ZSWIM5: variants seen among roughly 807,000 people sequenced by gnomAD.
ZSWIM5 encodes the protein zinc finger SWIM domain-containing protein 5.
In ZSWIM5, 55 loss-of-function variants were observed where a neutral mutation model predicts 119.6. That is an observed-to-expected ratio of 0.46 (90% CI 0.37 to 0.58). ZSWIM5 has a LOEUF of 0.58. Among genes scored for constraint, ZSWIM5 ranks in the 20% least tolerant of loss-of-function variants. The probability of loss-of-function intolerance (pLI) is 0.00; values close to 1 mark genes in which losing one functional copy is unlikely to be tolerated. For missense variants in ZSWIM5, 1,193 were observed against 1,512.8 expected, an observed-to-expected ratio of 0.79 and a Z score of 3.51; for synonymous variants, 537 against 606.9, an observed-to-expected ratio of 0.88 and a Z score of 1.69.
intron 5 of ZSWIM5, among the ~76,000 whole-genome samples, chr1:45,047,478 C>T (rs183309923): frequency 2.0e-5 from 3 of 152,016 alleles, no homozygotes; most frequent in African/African-American, 7.2e-5. Context: ...CAGAGAGGCA[C>T]GTGGAGTCAT....
intron 1 of ZSWIM5, among the ~76,000 whole-genome samples, chr1:45,176,898 C>T (rs951381797): frequency 6.6e-6 from 1 of 152,078 alleles, no homozygotes; most frequent in East Asian, 1.9e-4. Flanking sequence ...CCCTCCTCAC[C>T]CCACTTTGGC....
intron 1 of ZSWIM5, among the ~76,000 whole-genome samples, chr1:45,115,747 G>A (rs1645552861): frequency 6.7e-6 from 1 of 150,296 alleles, no homozygotes; most frequent in Non-Finnish European, 1.5e-5. Context: ...CGGCTGGGAA[G>A]AGGCGCTCCT....
rs566673931 is a variant in ZSWIM5 at position 45,062,375 on chromosome 1, T to G, written c.953-2128A>C. Among the ~76,000 whole-genome samples, 3 of 152,358 alleles carry G rather than the reference T, an allele frequency of 2.0e-5. No individual in the cohort carries two copies. The East Asian group carries it at 5.8e-4, about 29-fold the overall frequency. On this transcript the variant is annotated intron_variant, in intron 2 of 13. Transcript: ENST00000359600. Reference sequence around the variant, plus strand: ...CTATGCTTTTTTGTAGTATATCTTATTCTCTAGGGAATTAGGAGGGCTCAC... The same window carrying G: ...CTATGCTTTTTTGTAGTATATCTTAGTCTCTAGGGAATTAGGAGGGCTCAC...
chr1:45,033,980 G>A (rs1003319024), intron 11 of ZSWIM5, among the ~76,000 whole-genome samples: 3 of 151,642 alleles, frequency 2.0e-5, no homozygotes, highest in African/African-American at 4.9e-5. Context: ...TCAGCCTCCC[G>A]AGTAGCTGGG....
intron 1 of ZSWIM5, among the ~76,000 whole-genome samples, chr1:45,173,896 T>C (rs2149046141): frequency 6.6e-6 from 1 of 152,270 alleles, no homozygotes; most frequent in East Asian, 1.9e-4. Flanking sequence ...AACTTTAGCT[T>C]ATAATCTGAG....
intron 1 of ZSWIM5, among the ~76,000 whole-genome samples, chr1:45,099,221 C>T (rs1645422908): frequency 6.6e-6 from 1 of 152,074 alleles, no homozygotes; most frequent in Non-Finnish European, 1.5e-5. Context: ...AGGGATATTA[C>T]CACCAATCCC....
In ZSWIM5 at chr1:45,088,986, G is replaced by T. The variant is rs752366129; in HGVS notation, c.596-749C>A. Among the ~76,000 whole-genome samples the T allele has an allele frequency of 7.9e-5, 12 of 151,964 alleles. No homozygotes were observed. Among genetic ancestry groups the T allele is most frequent in the Non-Finnish European group, 1.5e-4 (10 of 67,982 alleles). The stretch of plus-strand genomic sequence containing the variant: ...CTTTATTATTATTTTTATCTCTGGG[G>T]TCTTGCTCTGCCACCGAGGCTGGAG... On this transcript the variant is annotated intron_variant, in intron 1 of 13. Transcript: ENST00000359600. This position sits in a 1 kb window ranked among gnomAD's most constrained non-coding sequence, Gnocchi z 4.2.
At chr1:45,095,290 A>AT (rs980625078) in intron 1 of ZSWIM5, among the ~76,000 whole-genome samples, 4 of 151,040 alleles carry the variant, frequency 2.6e-5, no homozygotes, top group South Asian at 2.1e-4. Flanking sequence ...ACCATCTCTA[A>AT]TTTTTTTTTA....
At chr1:45,101,067 T>G (rs1645437001) in intron 1 of ZSWIM5, among the ~76,000 whole-genome samples, 1 of 151,960 alleles carries the variant, frequency 6.6e-6, no homozygotes, top group South Asian at 2.1e-4. Context: ...ACTAAAGAGC[T>G]TCTGCACAGC....
rs779989953 is a variant in ZSWIM5, at chr1:45,020,740, A to G, written c.2498T>C (p.Ile833Thr). 2 of 1,614,118 alleles carry G rather than the reference A, an allele frequency of 1.2e-6. No homozygotes were observed. The highest frequency in any genetic ancestry group is 1.7e-6 in the Non-Finnish European group (2 of 1,180,010). ...TTTGAAGATGAGGGAGGAAGAATGA[A>G]TGTGCTTCTGTATTGCTTCCAGAAT... ...RTILEAIQKH[I>T]HSSSLIFKLA... The change falls in exon 12 of 14, where the codon ATT (isoleucine) becomes ACT (threonine). Residue 833 changes from isoleucine (I) to threonine (T), a missense_variant. Ile to Thr is a moderately conservative substitution (Grantham distance 89). Around this residue, in one of 2 missense-constraint regions of ZSWIM5, gnomAD observed 961 missense variants for 1,290.0 expected, o/e 0.74. Transcript: ENST00000359600.
At chr1:45,158,378 A>G (rs546583339) in intron 1 of ZSWIM5, among the ~76,000 whole-genome samples, 5 of 152,260 alleles carry the variant, frequency 3.3e-5, no homozygotes, top group Admixed American at 2.0e-4. Flanking sequence ...CACGTTGCCC[A>G]GGCTGGTCTC....
chr1:45,147,584 C>CAAAAAAAAAAAAA (rs11409330), intron 1 of ZSWIM5, among the ~76,000 whole-genome samples: 1 of 93,328 alleles, frequency 1.1e-5, no homozygotes, highest in Non-Finnish European at 1.9e-5. Context: ...TTTACACATG[C>CAAAAAAAAAAAAA]AAAAAAAAAA....
At chr1:45,120,677 T>C (rs1306917265) in intron 1 of ZSWIM5, among the ~76,000 whole-genome samples, 1 of 151,822 alleles carries the variant, frequency 6.6e-6, no homozygotes, top group Non-Finnish European at 1.5e-5. Flanking sequence ...GGTCTCCCTA[T>C]GTTGCCCAGG....
chr1:45,192,431 C>T (rs142498833), intron 1 of ZSWIM5, among the ~76,000 whole-genome samples: 13 of 152,228 alleles, frequency 8.5e-5, no homozygotes, highest in Middle Eastern at 3.4e-3. Flanking sequence ...TAACATTCAT[C>T]CATGTTGTAG....
intron 1 of ZSWIM5, among the ~76,000 whole-genome samples, chr1:45,163,008 G>A (rs1172400548): frequency 6.6e-6 from 1 of 152,228 alleles, no homozygotes; most frequent in Non-Finnish European, 1.5e-5. Flanking sequence ...TCTCAGAACA[G>A]ACAGACTGCC....
At chr1:45,127,721 G>A (rs1570127865) in intron 1 of ZSWIM5, among the ~76,000 whole-genome samples, 1 of 152,172 alleles carries the variant, frequency 6.6e-6, no homozygotes, top group East Asian at 1.9e-4. Flanking sequence ...TTACAGGCTT[G>A]AGCCCTCACC....
At chr1:45,044,746 A>AT (rs1557746351) in intron 5 of ZSWIM5, among the ~76,000 whole-genome samples, 5 of 1,644 alleles carry the variant, frequency 3.0e-3, no homozygotes, top group African/African-American at 5.5e-3. Flanking sequence ...AAAAAAAAAA[A>AT]ATATATATAT....
In ZSWIM5 at chr1:45,162,782, G is replaced by A. The variant is rs548112950; in HGVS notation, c.595+42974C>T. Among the ~76,000 whole-genome samples, 24 of 152,334 alleles carry A rather than the reference G, an allele frequency of 1.6e-4. No homozygotes were observed. The East Asian group carries it at 2.1e-3, about 13-fold the overall frequency. On this transcript the variant is annotated intron_variant, in intron 1 of 13. Transcript: ENST00000359600. ...CAGCCAGGCTGGGGGAGGGGCACCC[G>A]CCATTGCTGAGGCTTGAGCAGGTAA...
chr1:45,087,133 C>T (rs1645335470), intron 2 of ZSWIM5, among the ~76,000 whole-genome samples: 1 of 152,186 alleles, frequency 6.6e-6, no homozygotes, highest in African/African-American at 2.4e-5. Context: ...ATCCACCCAC[C>T]TTGACCTCCC....
Sources: allele counts gnomAD v4.1 joint callset (sites outside exome capture counted in the v4.1 genomes callset), GRCh38; gene constraint gnomAD v4.1.1; regional missense constraint gnomAD v4.1.1; non-coding constraint Gnocchi (gnomAD v3.1); transcripts MANE v1.5; gene names NCBI Gene and HGNC (gene_info 2026-07-23, HGNC 2026-07-21).